The following PDK1 variants were observed in gnomAD, a reference collection of about 807,000 sequenced individuals.
PDK1 encodes [Pyruvate dehydrogenase (acetyl-transferring)] kinase isozyme 1, mitochondrial.
A neutral mutation model predicts 54.2 loss-of-function variants in PDK1; 39 were observed. The ratio of observed to expected loss-of-function variants is 0.72; its 90% CI spans 0.56 to 0.94. The LOEUF (loss-of-function observed/expected upper bound fraction) is 0.94. Ranked by LOEUF, PDK1 falls within the 40% of genes least tolerant of loss-of-function variation. The pLI is 0.00. For missense variants in PDK1, 552 were observed against 566.0 expected (o/e 0.98, Z 0.25); for synonymous variants, 221 against 207.1 (o/e 1.07, Z -0.58).
the PDK1 span, among the ~76,000 whole-genome samples, chr2:172,659,239 C>A: frequency 6.6e-6 from 1 of 152,124 alleles, no homozygotes; most frequent in South Asian, 2.1e-4. Context: ...TGTTGAAATA[C>A]GGGGGGCGGT....
chr2:172,568,221 G>A (rs547441042), intron 6 of PDK1, among the ~76,000 whole-genome samples: 102 of 151,510 alleles, frequency 6.7e-4, no homozygotes, highest in African/African-American at 2.4e-3. Flanking sequence ...CCAGCTACTC[G>A]GGAGGCTGAG....
the PDK1 span, among the ~76,000 whole-genome samples, chr2:172,657,810 T>C: frequency 6.6e-6 from 1 of 152,164 alleles, no homozygotes; most frequent in Admixed American, 6.5e-5. Context: ...GCATTCTGAG[T>C]TGCTATAAAG....
the PDK1 span, among the ~76,000 whole-genome samples, chr2:172,672,453 G>A: frequency 6.6e-6 from 1 of 152,050 alleles, no homozygotes; most frequent in Non-Finnish European, 1.5e-5. Flanking sequence ...TTGAGGATTT[G>A]TGATTTTTAA....
chr2:172,577,135 C>T (rs1476933525), intron 8 of PDK1, among the ~76,000 whole-genome samples: 1 of 152,042 alleles, frequency 6.6e-6, no homozygotes, highest in African/African-American at 2.4e-5. Flanking sequence ...CTGTTGAGTA[C>T]ATATATGTTT....
chr2:172,586,146 G>A lies in PDK1; in HGVS notation c.946-132G>A, dbSNP rs539910453. 74 of 503,978 alleles carry A rather than the reference G, an allele frequency of 1.5e-4. 1 individual carries two copies. The highest frequency in any genetic ancestry group is 2.4e-4 in the Non-Finnish European group (65 of 276,150). The allele number at this position is 503,978 out of a possible 1,614,324, so 31.2% of individuals were successfully genotyped here. ...TGCACTCCAGCCTGGGCGACAAAGCGAGACTCTGTCTCAAAAAAAAAAAAA... is the reference window on the plus strand; with the variant it reads ...TGCACTCCAGCCTGGGCGACAAAGCAAGACTCTGTCTCAAAAAAAAAAAAA... On this transcript the variant is annotated intron_variant, in intron 8 of 10. Coordinates refer to ENST00000282077, the MANE Select transcript of PDK1 (RefSeq NM_002610.5).
chr2:172,579,024 G>T (rs565295435), intron 8 of PDK1, among the ~76,000 whole-genome samples: 1 of 152,188 alleles, frequency 6.6e-6, no homozygotes, highest in African/African-American at 2.4e-5. Flanking sequence ...GGCCTTCTCA[G>T]TGTCTTTCCT....
intron 9 of PDK1, among the ~76,000 whole-genome samples, chr2:172,591,897 C>G (rs930896085): frequency 2.0e-5 from 3 of 152,188 alleles, no homozygotes; most frequent in Non-Finnish European, 2.9e-5. Flanking sequence ...GCAAACAGCT[C>G]GCATATTTGA....
chr2:172,579,151 C>T (rs1034554115), intron 8 of PDK1, among the ~76,000 whole-genome samples: 1 of 152,142 alleles, frequency 6.6e-6, no homozygotes, highest in South Asian at 2.1e-4. Flanking sequence ...TTTGGTTAGC[C>T]TTATTGTTTG....
chr2:172,620,352 C>T, the PDK1 span, among the ~76,000 whole-genome samples: 5 of 152,022 alleles, frequency 3.3e-5, no homozygotes, highest in African/African-American at 1.2e-4. Context: ...AACAACCTTG[C>T]CCAAAGAGGA....
In PDK1 at chr2:172,595,900, C is replaced by A. The variant is rs2149303074; in HGVS notation, c.1242C>A (p.Asn414Lys). 6.2e-7 allele frequency: 1 copy of A among 1,613,828 alleles called. No homozygotes were observed. Among genetic ancestry groups the A allele is most frequent in the Non-Finnish European group, 8.5e-7 (1 of 1,179,796 alleles). Reference protein sequence around the residue: ...NKAAWKHYNTNHEADDWCVPS... With the variant: ...NKAAWKHYNTKHEADDWCVPS... ...CTGCCTGGAAGCATTACAACACCAA[C>A]CACGAGGCTGATGACTGGTGCGTCC... is the stretch of plus-strand genomic sequence containing the variant. Residue 414 changes from asparagine to lysine, a missense_variant, in exon 11 of 11, where the codon AAC becomes AAA. By Grantham distance (94) the Asn-to-Lys change is moderately conservative. Coordinates refer to ENST00000282077, the MANE Select transcript of PDK1 (RefSeq NM_002610.5).
the PDK1 span, among the ~76,000 whole-genome samples, chr2:172,621,029 C>T: frequency 6.6e-6 from 1 of 152,174 alleles, no homozygotes. Flanking sequence ...CCTGTTATCC[C>T]AGCACTTTGG....
chr2:172,646,718 C>T, the PDK1 span, among the ~76,000 whole-genome samples: 4 of 102,600 alleles, frequency 3.9e-5, no homozygotes, highest in African/African-American at 1.4e-4. Flanking sequence ...GTCAGAGAGA[C>T]CCAAACCTTG....
At chr2:172,617,722 ATGAGT>A in the PDK1 span, among the ~76,000 whole-genome samples, 3 of 152,252 alleles carry the variant, frequency 2.0e-5, no homozygotes, top group South Asian at 6.2e-4. Flanking sequence ...CTTCCAACAC[ATGAGT>A]TAAGAGGGGA....
At chr2:172,613,924 T>G in the PDK1 span, among the ~76,000 whole-genome samples, 1 of 151,888 alleles carries the variant, frequency 6.6e-6, no homozygotes, top group Non-Finnish European at 1.5e-5. Flanking sequence ...GGATCCAAGC[T>G]TCCCTGTGTT....
At chr2:172,571,677 T>C (rs1314547395) in intron 8 of PDK1, among the ~76,000 whole-genome samples, 1 of 152,122 alleles carries the variant, frequency 6.6e-6, no homozygotes, top group African/African-American at 2.4e-5. Context: ...TGGCTCCAGT[T>C]TAAGAGTATG....
At chr2:172,648,427 G>A in the PDK1 span, among the ~76,000 whole-genome samples, 6 of 152,188 alleles carry the variant, frequency 3.9e-5, no homozygotes, top group Admixed American at 6.5e-5. Context: ...AGCTTCCAGC[G>A]TGAGCAATGC....
At chr2:172,678,101 C>T in the PDK1 span, among the ~76,000 whole-genome samples, 37 of 152,142 alleles carry the variant, frequency 2.4e-4, no homozygotes, top group Admixed American at 1.6e-3. Flanking sequence ...ACCCAGAAGA[C>T]GGAGGTTGCA....
the PDK1 span, among the ~76,000 whole-genome samples, chr2:172,704,188 G>A: frequency 5.9e-5 from 9 of 152,102 alleles, no homozygotes; most frequent in African/African-American, 2.2e-4. Context: ...TACTGTGCTT[G>A]ACATGGCTTT....
the PDK1 span, among the ~76,000 whole-genome samples, chr2:172,673,176 C>G: frequency 6.6e-6 from 1 of 152,178 alleles, no homozygotes; most frequent in African/African-American, 2.4e-5. Flanking sequence ...GCATACTTCC[C>G]GGGTCTTGCA....
Sources: gnomAD v4.1 joint callset for allele counts (sites outside exome capture counted in the v4.1 genomes callset) on GRCh38, gnomAD v4.1.1 for gene constraint, MANE v1.5 for transcripts, NCBI Gene and HGNC (gene_info 2026-07-23, HGNC 2026-07-21) for gene names.